RIF1: variants seen among roughly 807,000 people sequenced by gnomAD.
The protein encoded by RIF1 is replication timing regulatory factor 1.
In RIF1, 45 loss-of-function variants were observed where a neutral mutation model predicts 247.1. The ratio of observed to expected loss-of-function variants is 0.18; its 90% CI spans 0.14 to 0.23. RIF1 has a LOEUF of 0.23. Among genes scored for constraint, RIF1 ranks in the 10% least tolerant of loss-of-function variants. RIF1 has a pLI of 1.00. For missense variants in RIF1, 2,967 were observed against 2,862.5 expected (o/e 1.04, Z -0.83); for synonymous variants, 1,087 against 978.8 (o/e 1.11, Z -2.06).
At chr2:151,512,058 T>G (rs1392528263), downstream of RIF1, among the ~76,000 whole-genome samples, 1 of 134,836 alleles carries the variant, frequency 7.4e-6, no homozygotes, top group African/African-American at 2.9e-5. Context: ...TGAGACAGAG[T>G]CTTGCTGTGC....
intron 10 of RIF1, among the ~76,000 whole-genome samples, chr2:151,499,088 TACTG>T (rs1424994782): frequency 2.0e-5 from 3 of 152,138 alleles, no homozygotes; most frequent in African/African-American, 7.2e-5. Flanking sequence ...AGGAATATAA[TACTG>T]AACACTTTTT....
chr2:151,534,337 C>T, the RIF1 span: 1 of 1,596,482 alleles, frequency 6.3e-7, no homozygotes, highest in Admixed American at 1.7e-5. Flanking sequence ...AACATCATAG[C>T]ATATTATAGC....
intron 8 of RIF1, 45 bp from the exon 9 acceptor site, chr2:151,428,739 T>G: frequency 6.8e-7 from 1 of 1,463,590 alleles, no homozygotes; most frequent in Non-Finnish European, 9.6e-7. Context: ...ATTATTCTGT[T>G]TCATGCAGAT....
the RIF1 span, chr2:151,525,986 A>T: frequency 6.2e-7 from 1 of 1,613,960 alleles, no homozygotes; most frequent in South Asian, 1.1e-5. Flanking sequence ...CACTTCCTTG[A>T]CGTGAACAGT....
At chr2:151,503,685 C>G (rs978365661) in intron 12 of RIF1, among the ~76,000 whole-genome samples, 5 of 152,088 alleles carry the variant, frequency 3.3e-5, no homozygotes, top group African/African-American at 1.2e-4. Context: ...TAGTGCATGC[C>G]TAAAATGCAT....
At chr2:151,510,644 A>G (rs535869893), downstream of RIF1, among the ~76,000 whole-genome samples, 2 of 152,188 alleles carry the variant, frequency 1.3e-5, no homozygotes, top group Non-Finnish European at 2.9e-5. Flanking sequence ...TATTGTTATA[A>G]TTGTTCTATT....
chr2:151,448,861 C>A (rs1352969088), intron 20 of RIF1, among the ~76,000 whole-genome samples: 1 of 152,012 alleles, frequency 6.6e-6, no homozygotes, highest in Admixed American at 6.6e-5. Flanking sequence ...GAAGGTTGAC[C>A]CTCAGTTATC....
At chr2:151,449,189 C>T (rs1693833265) in intron 20 of RIF1, among the ~76,000 whole-genome samples, 1 of 152,194 alleles carries the variant, frequency 6.6e-6, no homozygotes, top group East Asian at 1.9e-4. Context: ...TGCTTACATA[C>T]TTCCTTGTAT....
chr2:151,499,505 C>A (rs888193311), exon 11 of RIF1: 2 of 648,190 alleles, frequency 3.1e-6, no homozygotes, highest in Non-Finnish European at 2.8e-6. Flanking sequence ...AAGACAGATT[C>A]AACAAGTCAA....
rs2049156891 is a variant in RIF1 at position 151,481,269 on chromosome 2, CCT to C, written c.*6199_*6200del. 6.6e-6 allele frequency: 1 copy of C among 152,148 alleles called. No homozygotes were observed. Among genetic ancestry groups the C allele is most frequent in the Non-Finnish European group, 1.5e-5 (1 of 68,034 alleles). The allele number at this position is 152,148 out of a possible 1,614,324, so 9.4% of individuals were successfully genotyped here. A position where few individuals can be genotyped will look rare whatever the true frequency, so the allele number is the denominator to read the frequency against. On this transcript the variant is annotated 3_prime_UTR_variant, in exon 36 of 36. Coordinates refer to ENST00000444746, the MANE Select transcript of RIF1 (RefSeq NM_018151.5). ...TCTTGATTACTTAATTTCTGTTACC[CCT>C]GTGTTTTCCAGAATGGCTTCTCCTG...
At chr2:151,526,870 G>T in the RIF1 span, 5 of 1,297,040 alleles carry the variant, frequency 3.9e-6, no homozygotes, top group Admixed American at 3.9e-5. Flanking sequence ...TACCATGGAA[G>T]ATGGCCCTGA....
intron 3 of RIF1, among the ~76,000 whole-genome samples, chr2:151,412,104 C>T (rs965008197): frequency 5.9e-5 from 9 of 152,142 alleles, no homozygotes; most frequent in African/African-American, 1.4e-4. Context: ...TTGCTACAAC[C>T]GTTATCATTT....
rs1179328275 is a variant in RIF1, at chr2:151,446,473, A to G, written c.2142A>G (p.Ala714=). The part of the protein sequence containing the change: ...LLRTWSELYR[A]FARCAALVAT... ...GAACTTGGTCAGAATTATATAGAGC[A>G]TTTGCTCGTTGTGCTGCTTTGGTGG... The change falls in exon 20 of 36, where the codon GCA becomes GCG. Residue 714 remains alanine (A), a synonymous_variant. Transcript: ENST00000444746. 3.7e-6 allele frequency: 6 copies of G among 1,614,096 alleles called. No homozygotes were observed.
downstream of RIF1, among the ~76,000 whole-genome samples, chr2:151,509,106 T>G (rs540368653): frequency 6.6e-6 from 1 of 152,336 alleles, no homozygotes; most frequent in African/African-American, 2.4e-5. Context: ...ATGTACTTTG[T>G]TAATATAGGA....
Position 151,410,623 on chromosome 2 carries a change from T to C in RIF1, c.104+96T>C, listed in dbSNP as rs1573815360. ...GGGCGCGTAGAATGAATGTGAGTTC[T>C]AGAAGTCTAGCAAATGTGAGGACGC... is the stretch of plus-strand genomic sequence containing the variant. On this transcript the variant is annotated intron_variant, in intron 2 of 35. Transcript: ENST00000444746. 17 of 1,004,878 alleles carry C rather than the reference T, an allele frequency of 1.7e-5. No homozygotes were observed. The East Asian group carries it at 3.8e-4, about 22-fold the overall frequency. The allele number at this position is 1,004,878 out of a possible 1,614,324, so 62.2% of individuals were successfully genotyped here. A position where few individuals can be genotyped will look rare whatever the true frequency, so the allele number is the denominator to read the frequency against.
At position 151,465,420 on chromosome 2, in the gene RIF1, A is replaced by C; in HGVS notation, c.5900A>C (p.Glu1967Ala). ...AKLNAKEVATEEFNSDISLSD... is the reference protein window; with the variant it reads ...AKLNAKEVATAEFNSDISLSD... ...CTGAATGCCAAAGAAGTAGCAACTGAGGAATTTAATTCAGATATTAGTCTT... is the reference window on the plus strand; with the variant it reads ...CTGAATGCCAAAGAAGTAGCAACTGCGGAATTTAATTCAGATATTAGTCTT... The change falls in exon 30 of 36, where the codon GAG becomes GCG. Residue 1967 changes from glutamate to alanine, a missense_variant. Glu to Ala is a moderately radical substitution (Grantham distance 107). This residue lies in a region of RIF1 where 2,028 missense variants were observed against 1,825.6 expected (regional missense o/e 1.11). Coordinates refer to ENST00000444746, the MANE Select transcript of RIF1 (RefSeq NM_018151.5). 1.2e-6 allele frequency: 2 copies of C among 1,613,856 alleles called. No individual in the cohort carries two copies. Among genetic ancestry groups the C allele is most frequent in the Non-Finnish European group, 1.7e-6 (2 of 1,179,846 alleles).
intron 29 of RIF1, 68 bp from the exon 30 acceptor site, chr2:151,462,816 C>G: frequency 8.0e-7 from 1 of 1,245,132 alleles, no homozygotes. Flanking sequence ...AAAGTTTTCC[C>G]AGAAAGTCAA....
chr2:151,512,234 C>T (rs1485430595), downstream of RIF1, among the ~76,000 whole-genome samples: 6 of 151,964 alleles, frequency 3.9e-5, no homozygotes, highest in Admixed American at 2.0e-4. Flanking sequence ...TAGAGTTTCA[C>T]CGTGTTAGCC....
At chr2:151,433,286 T>C in intron 10 of RIF1, 58 bp downstream of exon 10, 1 of 1,376,088 alleles carries the variant, frequency 7.3e-7, no homozygotes, top group Non-Finnish European at 1.0e-6. Context: ...GTTCTTAAAT[T>C]CTTACCAATG....
Sources: allele counts gnomAD v4.1 joint callset (sites outside exome capture counted in the v4.1 genomes callset), GRCh38; gene constraint gnomAD v4.1.1; regional missense constraint gnomAD v4.1.1; transcripts MANE v1.5; gene names NCBI Gene and HGNC (gene_info 2026-07-23, HGNC 2026-07-21).